The following FAF1 variants were observed in gnomAD, a reference collection of about 807,000 sequenced individuals.
FAF1 encodes the protein Fas associated factor 1, also known as FAS-associated factor 1.
A neutral mutation model predicts 92.5 loss-of-function variants in FAF1; 25 were observed. The ratio of observed to expected loss-of-function variants is 0.27; its 90% confidence interval spans 0.20 to 0.38. FAF1 has a LOEUF of 0.38. Among genes scored for constraint, FAF1 ranks in the 10% least tolerant of loss-of-function variants. The pLI is 1.00. For missense variants in FAF1, 636 were observed against 793.3 expected, an observed-to-expected ratio of 0.80 and a Z score of 2.38; for synonymous variants, 234 against 273.2, an observed-to-expected ratio of 0.86 and a Z score of 1.42.
rs567212184 is a variant in FAF1, at chr1:50,811,234, G to A, written c.115-9557C>T. On this transcript the variant is annotated intron_variant, in intron 2 of 18. Transcript: ENST00000396153. ...TGCATCTGTAGTCCCAACTACTCAG[G>A]AGACTGACATGGGAAGATCACTTGG... is the stretch of plus-strand genomic sequence containing the variant. Among the ~76,000 whole-genome samples the A allele has an allele frequency of 2.6e-5, 4 of 152,274 alleles. No individual in the cohort carries two copies. In the South Asian group the frequency reaches 6.2e-4, roughly 24 times the overall value.
In FAF1 at chr1:50,670,611, A is replaced by G. The variant is rs1170195747; in HGVS notation, c.658-15083T>C. ...AATTCTTCAAAATTATACTTTTATT[A>G]TTTTTAATAATGTTATTTTAAAGTA... On this transcript the variant is annotated intron_variant, in intron 7 of 18. Coordinates refer to ENST00000396153, the MANE Select transcript of FAF1 (RefSeq NM_007051.3). Among the ~76,000 whole-genome samples the G allele has an allele frequency of 2.6e-5, 4 of 152,178 alleles. No homozygotes were observed. In the East Asian group the frequency reaches 5.8e-4, roughly 22 times the overall value.
chr1:50,645,889 C>G (rs559445958), intron 8 of FAF1, among the ~76,000 whole-genome samples: 36 of 151,840 alleles, frequency 2.4e-4, no homozygotes, highest in African/African-American at 8.7e-4. Context: ...CAAGAAAATA[C>G]TATTGACAAA....
intron 8 of FAF1, among the ~76,000 whole-genome samples, chr1:50,637,273 T>TAAAA (rs1172030649): frequency 6.2e-5 from 6 of 97,256 alleles, no homozygotes; most frequent in Admixed American, 1.2e-4. Flanking sequence ...CCATTTCTAC[T>TAAAA]AAAAAAAAAA....
At chr1:50,928,062 T>C (rs2124740734) in intron 1 of FAF1, among the ~76,000 whole-genome samples, 1 of 152,320 alleles carries the variant, frequency 6.6e-6, no homozygotes, top group African/African-American at 2.4e-5. Context: ...GTGATTTTGC[T>C]GAGGTGAGGA....
intron 1 of FAF1, among the ~76,000 whole-genome samples, chr1:50,884,474 G>T (rs922232725): frequency 2.0e-5 from 3 of 150,840 alleles, no homozygotes; most frequent in Non-Finnish European, 4.4e-5. Flanking sequence ...GTTGCAGTAA[G>T]CTGAGATCAC....
Position 50,700,711 on chromosome 1 carries a change from T to C in FAF1, c.657+5075A>G, listed in dbSNP as rs534184851. Among the ~76,000 whole-genome samples, 96 of 152,272 alleles carry C rather than the reference T, an allele frequency of 6.3e-4. 1 individual carries two copies. In the Middle Eastern group the frequency reaches 0.031, roughly 49 times the overall value. On this transcript the variant is annotated intron_variant, in intron 7 of 18. Transcript: ENST00000396153. ...AAATGTGGTCAGCTATCATGTTTGATACACATATCTTAAGTAACAAAAGGC... is the reference window on the plus strand; with the variant it reads ...AAATGTGGTCAGCTATCATGTTTGACACACATATCTTAAGTAACAAAAGGC...
At chr1:50,584,567 A>G (rs538213484) in intron 10 of FAF1, 118 bp downstream of exon 10, 5 of 970,214 alleles carry the variant, frequency 5.2e-6, no homozygotes, top group African/African-American at 5.0e-5. Flanking sequence ...ACTCTCTATT[A>G]TCTTATCTCC....
chr1:50,560,576 GT>G (rs2149052242), intron 13 of FAF1, among the ~76,000 whole-genome samples: 1 of 152,332 alleles, frequency 6.6e-6, no homozygotes, highest in South Asian at 2.1e-4. Flanking sequence ...TAGAAATAGT[GT>G]GCAATGCCTG....
chr1:50,743,852 C>A (rs1659486000), intron 5 of FAF1, among the ~76,000 whole-genome samples: 1 of 151,404 alleles, frequency 6.6e-6, no homozygotes, highest in Admixed American at 6.6e-5. Flanking sequence ...GCAGGTGGAT[C>A]ACAAGGTCAG....
At chr1:50,743,568 T>C (rs1001278647) in intron 5 of FAF1, among the ~76,000 whole-genome samples, 2 of 151,886 alleles carry the variant, frequency 1.3e-5, no homozygotes, top group African/African-American at 2.4e-5. Context: ...CCTCAGGTGA[T>C]TCACTTGCCT....
intron 1 of FAF1, among the ~76,000 whole-genome samples, chr1:50,933,030 C>A (rs1272670803): frequency 6.6e-6 from 1 of 152,156 alleles, no homozygotes; most frequent in Admixed American, 6.5e-5. Context: ...CTAGGCTGCA[C>A]ACAGTACTCC....
intron 13 of FAF1, among the ~76,000 whole-genome samples, chr1:50,552,921 G>C (rs1010142337): frequency 1.3e-4 from 20 of 152,168 alleles, no homozygotes; most frequent in African/African-American, 4.8e-4. Flanking sequence ...ATTTAAAAGA[G>C]AGAGAGAAAA....
chr1:50,952,964 T>C (rs560640689), intron 1 of FAF1, among the ~76,000 whole-genome samples: 1 of 152,262 alleles, frequency 6.6e-6, no homozygotes, highest in East Asian at 1.9e-4. Flanking sequence ...GGGGGAAATG[T>C]GGGGAAAAGA....
chr1:50,845,860 T>C (rs751859501), intron 2 of FAF1, among the ~76,000 whole-genome samples: 2 of 151,962 alleles, frequency 1.3e-5, no homozygotes, highest in African/African-American at 2.4e-5. Flanking sequence ...TGGTGGCTCA[T>C]GCCTGTAATC....
chr1:50,952,306 C>T (rs543849134), intron 1 of FAF1, among the ~76,000 whole-genome samples: 69 of 152,348 alleles, frequency 4.5e-4, no homozygotes, highest in African/African-American at 1.5e-3. Context: ...GACGGGTTTT[C>T]GCCGTGTTGG....
chr1:50,886,166 T>C (rs563457017), intron 1 of FAF1, among the ~76,000 whole-genome samples: 6 of 152,316 alleles, frequency 3.9e-5, no homozygotes, highest in Non-Finnish European at 8.8e-5. Flanking sequence ...TATTTACTGT[T>C]GCCAGTGGTT....
intron 4 of FAF1, among the ~76,000 whole-genome samples, chr1:50,747,674 G>A (rs1403785023): frequency 6.6e-6 from 1 of 152,178 alleles, no homozygotes; most frequent in Non-Finnish European, 1.5e-5. Flanking sequence ...AGAAGGACAT[G>A]AGATTTGGGA....
rs1316487820 is a variant in FAF1 at position 50,864,113 on chromosome 1, GCTAGCGGT to G, written c.46-6124_46-6117del. On this transcript the variant is annotated intron_variant, in intron 1 of 18. Coordinates refer to ENST00000396153, the MANE Select transcript of FAF1 (RefSeq NM_007051.3). ...CTCTCTTTTCTTCTTTATTAGTCTT[GCTAGCGGT>G]CTATCAATTTTGTTGATCCTTTCAA... Among the ~76,000 whole-genome samples the G allele has an allele frequency of 2.7e-5, 4 of 150,942 alleles. No homozygotes were observed. The East Asian group carries it at 5.8e-4, about 22-fold the overall frequency.
intron 4 of FAF1, among the ~76,000 whole-genome samples, chr1:50,746,492 G>A (rs1343374980): frequency 2.7e-5 from 4 of 150,224 alleles, no homozygotes; most frequent in African/African-American, 9.8e-5. Context: ...TAGTAGAGAT[G>A]GGGTTTCTCA....
Sources: gnomAD v4.1 joint callset for allele counts (sites outside exome capture counted in the v4.1 genomes callset) on GRCh38, gnomAD v4.1.1 for gene constraint, MANE v1.5 for transcripts, NCBI Gene and HGNC (gene_info 2026-07-23, HGNC 2026-07-21) for gene names.